PES1: variants seen among roughly 807,000 people sequenced by gnomAD.
PES1 encodes pescadillo ribosomal biogenesis factor 1, also known as pescadillo homolog.
PES1 carries 31 observed loss-of-function variants against 77.1 expected under a neutral mutation model. The observed-to-expected ratio is 0.40, with a 90% confidence interval of 0.30 to 0.54. The LOEUF (loss-of-function observed/expected upper bound fraction) is 0.54. Ranked by LOEUF, PES1 falls within the 20% of genes least tolerant of loss-of-function variation. The probability of loss-of-function intolerance (pLI) is 0.45; values close to 1 mark genes in which losing one functional copy is unlikely to be tolerated. For missense variants in PES1, 658 were observed against 771.7 expected (o/e 0.85, Z 1.75); for synonymous variants, 282 against 303.0 (o/e 0.93, Z 0.72).
chr22:30,597,926 C>G (rs780102237), intron 2 of PES1, among the ~76,000 whole-genome samples: 36 of 136,860 alleles, frequency 2.6e-4, no homozygotes, highest in Admixed American at 9.7e-4. Context: ...CTCTGTCGCC[C>G]AGGCTGGAGT....
chr22:30,596,847 G>A (rs5997694), upstream of PES1, among the ~76,000 whole-genome samples: 64,005 of 152,138 alleles, frequency 0.42, 13,617 homozygotes, highest in Middle Eastern at 0.49. Context: ...CTCAGCCTGC[G>A]GGGAGGTGTG....
chr22:30,599,948 GC>G (rs1185983261), intron 2 of PES1, among the ~76,000 whole-genome samples: 1 of 151,998 alleles, frequency 6.6e-6, no homozygotes, highest in East Asian at 1.9e-4. Context: ...TATGATAAAT[GC>G]TTATAAATAC....
chr22:30,595,061 A>C (rs1279085240), upstream of PES1, among the ~76,000 whole-genome samples: 1 of 152,202 alleles, frequency 6.6e-6, no homozygotes, highest in Non-Finnish European at 1.5e-5. Context: ...ATGATTTTTC[A>C]GTTAACATAT....
At chr22:30,605,494 G>A in exon 2 of PES1, 2 of 985,122 alleles carry the variant, frequency 2.0e-6, no homozygotes, top group Non-Finnish European at 2.4e-6. Flanking sequence ...TATCCTCCAT[G>A]GCCACCTCCT....
In PES1 at chr22:30,579,299, G is replaced by C. The variant is rs201234783; in HGVS notation, c.1359C>G (p.Asn453Lys). ...LALQRGEDPG[N>K]LNESEEEEEE... ...CCTCCTCCTCTTCTGACTCATTCAGGTTTCCTAGAGAAAGCCAATGTCCTC... is the reference window on the plus strand; with the variant it reads ...CCTCCTCCTCTTCTGACTCATTCAGCTTTCCTAGAGAAAGCCAATGTCCTC... The change falls in exon 13 of 15, where the codon AAC becomes AAG. Residue 453 changes from asparagine (N) to lysine (K), a missense_variant. Physicochemically the swap from Asn to Lys is moderately conservative, Grantham distance 94. Transcript: ENST00000354694. The C allele has an allele frequency of 2.5e-6, 4 of 1,600,186 alleles. No homozygotes were observed. The African/African-American group carries it at 5.3e-5, about 21-fold the overall frequency.
chr22:30,581,395 G>A lies in PES1; in HGVS notation c.761C>T (p.Ala254Val), dbSNP rs758355078. Residue 254 changes from alanine to valine, a missense_variant, in exon 8 of 15, where the codon GCC becomes GTC. Coordinates refer to ENST00000354694, the MANE Select transcript of PES1 (RefSeq NM_014303.4). ...LHYPPKLEGQ[A>V]QAEAKAGEGT... is the part of the protein sequence containing the mutation. ...CTCACCGGCCTTTGCCTCTGCTTGG[G>A]CCTGACCCTCGAGCTAGTAGGCAAA... is the stretch of plus-strand genomic sequence containing the variant. 7.4e-6 allele frequency: 12 copies of A among 1,613,614 alleles called. No homozygotes were observed. Among genetic ancestry groups the A allele is most frequent in the Middle Eastern group, 1.6e-4 (1 of 6,080 alleles).
chr22:30,601,279 T>C (rs2087350437), intron 2 of PES1, among the ~76,000 whole-genome samples: 1 of 152,084 alleles, frequency 6.6e-6, no homozygotes, highest in Admixed American at 6.5e-5. Flanking sequence ...ACATCCTCTT[T>C]ATCTCTCTTA....
chr22:30,581,868 G>C (rs1260856457), intron 6 of PES1, among the ~76,000 whole-genome samples: 1 of 152,164 alleles, frequency 6.6e-6, no homozygotes, highest in Admixed American at 6.5e-5. Context: ...GCTCTGGATA[G>C]GGGTCCCAAG....
At chr22:30,590,276 C>G (rs988338832) in intron 1 of PES1, among the ~76,000 whole-genome samples, 1 of 152,184 alleles carries the variant, frequency 6.6e-6, no homozygotes, top group African/African-American at 2.4e-5. Flanking sequence ...TAGAGACAAT[C>G]AGTGCACTGT....
At chr22:30,600,764 G>A (rs891535940) in intron 2 of PES1, among the ~76,000 whole-genome samples, 4 of 152,150 alleles carry the variant, frequency 2.6e-5, no homozygotes, top group Non-Finnish European at 4.4e-5. Context: ...GCAGTGAGCC[G>A]AGATCGCGTC....
In PES1 at chr22:30,587,360, C is replaced by T. The variant is rs1480999153; in HGVS notation, c.294G>A (p.Lys98=). ...FVRKLRKAYG[K]SEWNTVERLK... ...AACGCTCTACAGTGTTCCACTCGCT[C>T]TTCCCATAAGCCTTCCGGAGCTTCC... The change falls in exon 4 of 15, where the codon AAG becomes AAA. Residue 98 remains lysine (K), a synonymous_variant. Coordinates refer to ENST00000354694, the MANE Select transcript of PES1 (RefSeq NM_014303.4). 6.2e-7 allele frequency: 1 copy of T among 1,614,086 alleles called. No homozygotes were observed. The highest frequency in any genetic ancestry group is 1.1e-5 in the South Asian group (1 of 91,072).
rs772269763 is a variant in PES1 at position 30,580,624 on chromosome 22, C to T, written c.990G>A (p.Leu330=). The change falls in exon 10 of 15, where the codon CTG becomes CTA. Residue 330 remains leucine, a synonymous_variant. Transcript: ENST00000354694. ...QEKHKKLFEG[L]KFFLNREVPR... ...GCACCTCTCGGTTCAGGAAGAACTT[C>T]AGGCCCTCAAAAAGCTTCTTGTGCT... is the stretch of plus-strand genomic sequence containing the variant. 1.2e-6 allele frequency: 2 copies of T among 1,613,842 alleles called. No individual in the cohort carries two copies. The highest frequency in any genetic ancestry group is 2.2e-5 in the South Asian group (2 of 91,084).
At chr22:30,586,931 A>G in intron 4 of PES1, 1 of 244,722 alleles carries the variant, frequency 4.1e-6, no homozygotes, top group Middle Eastern at 1.5e-3. Flanking sequence ...AACAGTTCAG[A>G]CGAGAGGTGT....
chr22:30,591,116 C>T (rs1352311143), intron 1 of PES1, among the ~76,000 whole-genome samples: 1 of 152,130 alleles, frequency 6.6e-6, no homozygotes, highest in Non-Finnish European at 1.5e-5. Context: ...GTTACTCCTC[C>T]TTTTTTTCCT....
rs1163269104 is a variant in PES1, at chr22:30,591,907, G to A, written c.-74C>T. ...CTTCCTCCCGCACGTGCCCTGCCAA[G>A]GACCCCGAGGACCCTCCCCACCCCA... On this transcript the variant is annotated 5_prime_UTR_variant, in exon 1 of 15. Coordinates refer to ENST00000354694, the MANE Select transcript of PES1 (RefSeq NM_014303.4). The A allele has an allele frequency of 6.0e-6, 9 of 1,500,430 alleles. No homozygotes were observed. Among genetic ancestry groups the A allele is most frequent in the Non-Finnish European group, 8.0e-6 (9 of 1,125,994 alleles). 92.9% of individuals were successfully genotyped at this position (1,500,430 alleles called of 1,614,324 possible).
At chr22:30,594,268 C>T (rs1008408285), upstream of PES1, among the ~76,000 whole-genome samples, 1 of 152,120 alleles carries the variant, frequency 6.6e-6, no homozygotes, top group Admixed American at 6.5e-5. Context: ...GCCTGTAATC[C>T]CAGCACTTTG....
chr22:30,581,372 C>T lies in PES1; in HGVS notation c.784G>A (p.Glu262Lys), dbSNP rs2086984844. The T allele has an allele frequency of 2.5e-6, 4 of 1,613,736 alleles. No homozygotes were observed. The highest frequency in any genetic ancestry group is 1.3e-5 in the African/African-American group (1 of 74,954). Residue 262 changes from glutamate (E) to lysine (K), a missense_variant, in exon 8 of 15, where the codon GAG becomes AAG. Transcript: ENST00000354694. ...TCGGAGTCCAACGCGTAGGTGCCCT[C>T]ACCGGCCTTTGCCTCTGCTTGGGCC... ...GQAQAEAKAG[E>K]GTYALDSESC...
At chr22:30,589,039 G>A in intron 2 of PES1, 152 bp downstream of exon 2, 2 of 598,860 alleles carry the variant, frequency 3.3e-6, no homozygotes, top group Admixed American at 5.7e-5. Flanking sequence ...ACCACACCTA[G>A]CAAACACAAC....
Position 30,587,406 on chromosome 22 carries a change from G to A in PES1, c.259-11C>T. The A allele has an allele frequency of 6.3e-7, 1 of 1,593,036 alleles. No individual in the cohort carries two copies. Among genetic ancestry groups the A allele is most frequent in the Non-Finnish European group, 8.6e-7 (1 of 1,161,202 alleles). ...CTTCCGGACGAACACCTGGAAGAAA[G>A]AAAGAAAACACCTCAATGCTGAGGC... On this transcript the variant is annotated splice_polypyrimidine_tract_variant and intron_variant, in intron 3 of 14. Coordinates refer to ENST00000354694, the MANE Select transcript of PES1 (RefSeq NM_014303.4).
Sources: allele counts gnomAD v4.1 joint callset (sites outside exome capture counted in the v4.1 genomes callset), GRCh38; gene constraint gnomAD v4.1.1; transcripts MANE v1.5; gene names NCBI Gene and HGNC (gene_info 2026-07-23, HGNC 2026-07-21).